Variants in MYOM2 observed in about 807,000 individuals in gnomAD.
MYOM2 encodes myomesin-2.
MYOM2 carries 254 observed loss-of-function variants against 187.6 expected under a neutral mutation model. The ratio of observed to expected loss-of-function variants is 1.35; its 90% CI spans 1.22 to 1.50. The LOEUF is 1.50. Among genes scored for constraint, MYOM2 ranks in the 40% most tolerant of loss-of-function variants. MYOM2 has a pLI of 0.00. For missense variants in MYOM2, 2,796 were observed against 1,924.0 expected (o/e 1.45, Z -8.48); for synonymous variants, 981 against 753.8 (o/e 1.30, Z -4.94).
rs111547986 is a variant in MYOM2 at position 2,134,573 on chromosome 8, G to A, written c.3800+5341G>A. Among the ~76,000 whole-genome samples, 4 of 126,778 alleles carry A rather than the reference G, an allele frequency of 3.2e-5. 1 individual carries two copies. Among genetic ancestry groups the A allele is most frequent in the African/African-American group, 1.5e-4 (4 of 26,784 alleles). The allele number at this position is 126,778 out of a possible 152,430, so 83.2% of individuals were successfully genotyped here. On this transcript the variant is annotated intron_variant, in intron 32 of 36. Transcript: ENST00000262113. ...TGGCCTTCAGCACTGATTTCTGAGGGGCTGAAGTTCCCTTTTCCTTTTACA... is the reference window on the plus strand; with the variant it reads ...TGGCCTTCAGCACTGATTTCTGAGGAGCTGAAGTTCCCTTTTCCTTTTACA...
At chr8:2,125,194 C>T (rs1797594355) in intron 31 of MYOM2, among the ~76,000 whole-genome samples, 1 of 152,344 alleles carries the variant, frequency 6.6e-6, no homozygotes, top group Non-Finnish European at 1.5e-5. Context: ...CCCCCACGAG[C>T]TTCCTTCCAG....
chr8:2,128,358 A>G (rs1408960955), intron 31 of MYOM2, among the ~76,000 whole-genome samples: 2 of 152,226 alleles, frequency 1.3e-5, no homozygotes, highest in Admixed American at 1.3e-4. Flanking sequence ...ACTATCCTCC[A>G]CAACAGTTGG....
chr8:2,046,488 A>T (rs1161244488), intron 1 of MYOM2, among the ~76,000 whole-genome samples: 1 of 152,186 alleles, frequency 6.6e-6, no homozygotes, highest in Non-Finnish European at 1.5e-5. Flanking sequence ...CGGGCAAGTC[A>T]TATTTCCCTG....
chr8:2,109,401 C>A lies in MYOM2; in HGVS notation c.3050C>A (p.Pro1017His). 3 of 1,603,514 alleles carry A rather than the reference C, an allele frequency of 1.9e-6. No individual in the cohort carries two copies. The highest frequency in any genetic ancestry group is 1.7e-6 in the Non-Finnish European group (2 of 1,175,462). The change falls in exon 25 of 37, where the codon CCT (proline) becomes CAT (histidine). Residue 1017 changes from proline (P) to histidine (H), a missense_variant. Coordinates refer to ENST00000262113, the MANE Select transcript of MYOM2 (RefSeq NM_003970.4). ...ATTTCTTTTCTTCCTGTAGCAATTCCTCTGAAATCGGAATTAGCTTATGAG... is the reference window on the plus strand; with the variant it reads ...ATTTCTTTTCTTCCTGTAGCAATTCATCTGAAATCGGAATTAGCTTATGAG... ...LSNEIKNPTI[P>H]LKSELAYEIF...
intron 11 of MYOM2, among the ~76,000 whole-genome samples, chr8:2,077,402 T>C (rs995958885): frequency 6.6e-6 from 1 of 152,164 alleles, no homozygotes; most frequent in African/African-American, 2.4e-5. Flanking sequence ...TATATGTATA[T>C]TAAACAGAAA....
At chr8:2,129,686 C>T (rs1797784188) in intron 32 of MYOM2, among the ~76,000 whole-genome samples, 1 of 152,116 alleles carries the variant, frequency 6.6e-6, no homozygotes, top group Non-Finnish European at 1.5e-5. Context: ...GAAGACACAG[C>T]AAGGTTTTCT....
chr8:2,077,789 G>C (rs1819485036), intron 11 of MYOM2, among the ~76,000 whole-genome samples: 1 of 152,228 alleles, frequency 6.6e-6, no homozygotes, highest in Non-Finnish European at 1.5e-5. Context: ...TTGGGAATGA[G>C]GGTGCATTTG....
chr8:2,077,809 G>C (rs902417609), intron 11 of MYOM2, among the ~76,000 whole-genome samples: 1 of 152,202 alleles, frequency 6.6e-6, no homozygotes, highest in South Asian at 2.1e-4. Flanking sequence ...GGAAGTGGGG[G>C]GTGCAGCTCC....
chr8:2,074,604 A>T (rs1819350838), intron 10 of MYOM2, among the ~76,000 whole-genome samples: 1 of 152,058 alleles, frequency 6.6e-6, no homozygotes, highest in Non-Finnish European at 1.5e-5. Context: ...ACAGGCATGT[A>T]CCACCACGCC....
chr8:2,097,081 G>A (rs62478393), intron 18 of MYOM2: 63,106 of 951,578 alleles, frequency 0.066, 2,700 homozygotes, highest in Non-Finnish European at 0.071. Context: ...TCCGGACTGT[G>A]GGGAGCCACA....
chr8:2,120,658 G>A (rs1417145579), intron 28 of MYOM2, among the ~76,000 whole-genome samples: 1 of 2,820 alleles, frequency 3.5e-4, no homozygotes, highest in African/African-American at 6.6e-4. Context: ...TTGATTTCCT[G>A]TATATATATA....
At chr8:2,109,607 A>G (rs1260215442) in intron 25 of MYOM2, 76 bp downstream of exon 25, 4 of 1,450,098 alleles carry the variant, frequency 2.8e-6, no homozygotes, top group South Asian at 1.3e-5. Flanking sequence ...ACTGAATATC[A>G]ACATTCTCTG....
chr8:2,133,418 G>A (rs961297983), intron 32 of MYOM2, among the ~76,000 whole-genome samples: 1 of 152,152 alleles, frequency 6.6e-6, no homozygotes, highest in East Asian at 1.9e-4. Flanking sequence ...TGGACTTGAC[G>A]GAACCACTGC....
intron 5 of MYOM2, 104 bp from the exon 6 acceptor site, chr8:2,059,049 A>C: frequency 1.1e-6 from 1 of 888,668 alleles, no homozygotes; most frequent in Non-Finnish European, 1.8e-6. Context: ...GCTCTAAGGG[A>C]AACCTGCAGA....
At position 2,102,883 on chromosome 8, in the gene MYOM2, G is replaced by C. The variant is rs112416400; in HGVS notation, c.2734+102G>C. ...AGGGTGTGTGGATAAATGAGTGGGA[G>C]AGTGAACACGTGTTATGTGTGTATG... is the stretch of plus-strand genomic sequence containing the variant. On this transcript the variant is annotated intron_variant, in intron 21 of 36. Transcript: ENST00000262113. 53 of 891,460 alleles carry C rather than the reference G, an allele frequency of 5.9e-5. No homozygotes were observed. The Admixed American group carries it at 1.1e-3, about 18-fold the overall frequency. The allele number at this position is 891,460 out of a possible 1,614,324, so 55.2% of individuals were successfully genotyped here.
Position 2,144,803 on chromosome 8 carries a change from G to T in MYOM2, c.4220G>T (p.Gly1407Val). Reference sequence around the variant, plus strand: ...AAGTACGTCAGCATGACCATCAAAGGCGTGACCTCCGAGGACTCGGGCAAG... The same window carrying T: ...AAGTACGTCAGCATGACCATCAAAGTCGTGACCTCCGAGGACTCGGGCAAG... ...QAKYVSMTIK[G>V]VTSEDSGKYS... The change falls in exon 37 of 37, where the codon GGC (glycine) becomes GTC (valine). Residue 1407 changes from glycine to valine, a missense_variant. Physicochemically the swap from Gly to Val is moderately radical, Grantham distance 109 (BLOSUM62 -3). Transcript: ENST00000262113. 6.2e-7 allele frequency: 1 copy of T among 1,614,138 alleles called. No homozygotes were observed. The highest frequency in any genetic ancestry group is 8.5e-7 in the Non-Finnish European group (1 of 1,180,038).
At chr8:2,070,335 T>C (rs1289959004) in intron 8 of MYOM2, among the ~76,000 whole-genome samples, 1 of 152,260 alleles carries the variant, frequency 6.6e-6, no homozygotes, top group African/African-American at 2.4e-5. Flanking sequence ...GAAGCAACGA[T>C]GGAGGGTGGA....
At chr8:2,062,390 G>A (rs935311571) in intron 6 of MYOM2, among the ~76,000 whole-genome samples, 1 of 152,184 alleles carries the variant, frequency 6.6e-6, no homozygotes, top group African/African-American at 2.4e-5. Flanking sequence ...AGGCCTGGGA[G>A]CGGGAGGGAG....
At chr8:2,088,850 C>T (rs991656776) in intron 14 of MYOM2, among the ~76,000 whole-genome samples, 1 of 152,226 alleles carries the variant, frequency 6.6e-6, no homozygotes, top group East Asian at 1.9e-4. Context: ...CTGCTTTCCA[C>T]AGTGACTGAG....
Sources: allele counts gnomAD v4.1 joint callset (sites outside exome capture counted in the v4.1 genomes callset), GRCh38; gene constraint gnomAD v4.1.1; transcripts MANE v1.5; gene names NCBI Gene and HGNC (gene_info 2026-07-23, HGNC 2026-07-21).